Variants in SYN3 observed in about 807,000 individuals in gnomAD.
SYN3 encodes the protein synapsin III, also known as synapsin-3.
Under a neutral mutation model 65.8 loss-of-function variants are expected in SYN3, and 35 were observed. That is an observed-to-expected ratio of 0.53 (90% CI 0.41 to 0.70). The LOEUF (loss-of-function observed/expected upper bound fraction) is 0.70, where lower values mean the gene tolerates loss of function less well. Ranked by LOEUF, SYN3 falls within the 30% of genes least tolerant of loss-of-function variation. The pLI is 0.00. For synonymous variants in SYN3, 270 were observed against 292.9 expected, an observed-to-expected ratio of 0.92 and a Z score of 0.80; for missense variants, 680 against 749.0, an observed-to-expected ratio of 0.91 and a Z score of 1.08.
At chr22:32,566,979 G>A (rs2058680096) in intron 7 of SYN3, among the ~76,000 whole-genome samples, 1 of 152,092 alleles carries the variant, frequency 6.6e-6, no homozygotes, top group Non-Finnish European at 1.5e-5. Flanking sequence ...AAGAAGGTGT[G>A]GGGGCAGGCA....
At chr22:32,750,908 G>T (rs965172141) in intron 6 of SYN3, among the ~76,000 whole-genome samples, 4 of 152,098 alleles carry the variant, frequency 2.6e-5, no homozygotes, top group Non-Finnish European at 5.9e-5. Flanking sequence ...AAGATCAGGA[G>T]TTCAGTTCTG....
rs562094208 is a variant in SYN3, at chr22:32,718,092, C to T, written c.712-121356G>A. Among the ~76,000 whole-genome samples the T allele has an allele frequency of 6.6e-5, 10 of 152,298 alleles. No individual in the cohort carries two copies. The South Asian group carries it at 1.0e-3, about 16-fold the overall frequency. ...ATAAGACTCATAAGGTTAGTTTACA[C>T]AGCCAGGATGTCTTTCCCAGCTGGA... On this transcript the variant is annotated intron_variant, in intron 6 of 13. Transcript: ENST00000358763.
intron 6 of SYN3, among the ~76,000 whole-genome samples, chr22:32,662,978 A>G (rs1315546043): frequency 1.3e-5 from 2 of 152,208 alleles, no homozygotes; most frequent in African/African-American, 2.4e-5. Flanking sequence ...TTACTAGCCA[A>G]TAATTTATAC....
chr22:32,709,485 T>C (rs570278266), intron 6 of SYN3, among the ~76,000 whole-genome samples: 1 of 152,298 alleles, frequency 6.6e-6, no homozygotes, highest in Non-Finnish European at 1.5e-5. Context: ...CAGAACAAAA[T>C]TGGAAAATAG....
chr22:33,055,377 G>A (rs1052270263), intron 1 of SYN3, among the ~76,000 whole-genome samples: 13 of 152,150 alleles, frequency 8.5e-5, no homozygotes, highest in Non-Finnish European at 1.8e-4. Flanking sequence ...CCACCTCGCG[G>A]TCTTTGAATA....
At chr22:32,725,004 C>T (rs1241715587) in intron 6 of SYN3, among the ~76,000 whole-genome samples, 1 of 152,178 alleles carries the variant, frequency 6.6e-6, no homozygotes, top group Non-Finnish European at 1.5e-5. Context: ...CCTGTAATCC[C>T]AGCTACTTGG....
chr22:32,882,403 A>G (rs1361155829), intron 4 of SYN3, among the ~76,000 whole-genome samples: 2 of 152,228 alleles, frequency 1.3e-5, no homozygotes, highest in African/African-American at 4.8e-5. Flanking sequence ...TTTCATTAAA[A>G]AAAATCTAAA....
chr22:32,867,861 G>A (rs1317959492), intron 5 of SYN3, among the ~76,000 whole-genome samples: 5 of 152,214 alleles, frequency 3.3e-5, no homozygotes, highest in South Asian at 2.1e-4. Flanking sequence ...GATTACAGGC[G>A]TGAGCCACCG....
At chr22:32,908,866 CAG>C (rs760640221) in intron 4 of SYN3, among the ~76,000 whole-genome samples, 3 of 152,234 alleles carry the variant, frequency 2.0e-5, no homozygotes, top group Admixed American at 6.5e-5. Context: ...ACTAGGTAAA[CAG>C]AGAATTAAGA....
chr22:32,539,896 G>A (rs1008323978), intron 8 of SYN3, among the ~76,000 whole-genome samples: 10 of 152,162 alleles, frequency 6.6e-5, no homozygotes, highest in African/African-American at 1.9e-4. Flanking sequence ...CCTCAGGAAC[G>A]CACTGGAATG....
intron 4 of SYN3, among the ~76,000 whole-genome samples, chr22:32,886,931 CG>C (rs2049309058): frequency 6.6e-6 from 1 of 152,242 alleles, no homozygotes; most frequent in Non-Finnish European, 1.5e-5. Flanking sequence ...GCTTCTCCCC[CG>C]GAGGGGGTGG....
chr22:32,993,087 A>G (rs1048969832), intron 2 of SYN3, among the ~76,000 whole-genome samples: 3 of 152,108 alleles, frequency 2.0e-5, no homozygotes, highest in African/African-American at 7.2e-5. Context: ...AGAGAGAAAC[A>G]AGGATGAAAG....
chr22:32,565,964 G>A lies in SYN3; in HGVS notation c.775-24251C>T, dbSNP rs376760895. Among the ~76,000 whole-genome samples the A allele has an allele frequency of 3.7e-4, 56 of 151,888 alleles. No individual in the cohort carries two copies. In the South Asian group the frequency reaches 0.01, roughly 27 times the overall value. On this transcript the variant is annotated intron_variant, in intron 7 of 13. Coordinates refer to ENST00000358763, the MANE Select transcript of SYN3 (RefSeq NM_003490.4). ...CCTGACCTGGTGATCTGCCCGCCTCGGCCTCCCAAAGTGCTAGGATTACAG... is the reference window on the plus strand; with the variant it reads ...CCTGACCTGGTGATCTGCCCGCCTCAGCCTCCCAAAGTGCTAGGATTACAG...
At chr22:32,537,173 T>C (rs1280646805) in intron 9 of SYN3, among the ~76,000 whole-genome samples, 1 of 152,082 alleles carries the variant, frequency 6.6e-6, no homozygotes, top group Non-Finnish European at 1.5e-5. Flanking sequence ...CCCCCTTTTT[T>C]TTTTAAACAG....
rs2059253422 is a variant in SYN3, at chr22:32,599,624, A to G, written c.712-2888T>C. ...GTGTGAGCCACTGCGCCGGAAGTCA[A>G]GTTTATGTGTCTTGACTCTCCATCA... On this transcript the variant is annotated intron_variant, in intron 6 of 13. Coordinates refer to ENST00000358763, the MANE Select transcript of SYN3 (RefSeq NM_003490.4). Among the ~76,000 whole-genome samples the G allele has an allele frequency of 2.6e-5, 4 of 152,098 alleles. No individual in the cohort carries two copies. In the South Asian group the frequency reaches 6.2e-4, roughly 24 times the overall value.
chr22:32,546,297 A>C (rs1012673730), intron 7 of SYN3, among the ~76,000 whole-genome samples: 2 of 152,236 alleles, frequency 1.3e-5, no homozygotes, highest in African/African-American at 2.4e-5. Context: ...ATTGAATTTA[A>C]GAAGGTTGGA....
At chr22:32,774,830 A>G (rs1230219356) in intron 6 of SYN3, among the ~76,000 whole-genome samples, 1 of 152,104 alleles carries the variant, frequency 6.6e-6, no homozygotes, top group Non-Finnish European at 1.5e-5. Flanking sequence ...ACCTCAGGTG[A>G]TCCACCCGCC....
intron 4 of SYN3, among the ~76,000 whole-genome samples, chr22:32,878,782 C>A (rs1479884267): frequency 2.0e-5 from 3 of 152,166 alleles, no homozygotes; most frequent in Admixed American, 2.0e-4. Flanking sequence ...GAGGGCACAA[C>A]CACTAAGACA....
intron 7 of SYN3, among the ~76,000 whole-genome samples, chr22:32,547,464 TTTC>T (rs1305740968): frequency 6.6e-6 from 1 of 152,158 alleles, no homozygotes; most frequent in Non-Finnish European, 1.5e-5. Flanking sequence ...CTCCTTCTCA[TTTC>T]TTCTTCATTC....
Sources: gnomAD v4.1 joint callset for allele counts (sites outside exome capture counted in the v4.1 genomes callset) on GRCh38, gnomAD v4.1.1 for gene constraint, MANE v1.5 for transcripts, NCBI Gene and HGNC (gene_info 2026-07-23, HGNC 2026-07-21) for gene names.